The following CIROZ variants were observed in gnomAD, a reference collection of about 807,000 sequenced individuals.
CIROZ encodes the protein ciliated left-right organizer protein containing ZP-N domains.
At chr1:10,976,719 A>G in the CIROZ span, among the ~76,000 whole-genome samples, 782 of 151,196 alleles carry the variant, frequency 5.2e-3, 4 homozygotes, top group African/African-American at 0.017. Flanking sequence ...AAAAAAACCC[A>G]TAAGTAAAGA....
At chr1:10,947,899 C>T in the CIROZ span, 1 of 1,613,620 alleles carries the variant, frequency 6.2e-7, no homozygotes, top group Non-Finnish European at 8.5e-7. Flanking sequence ...ACCCCCCACT[C>T]CTCCTGGCCC....
the CIROZ span, among the ~76,000 whole-genome samples, chr1:10,953,858 G>A: frequency 6.6e-6 from 1 of 152,180 alleles, no homozygotes; most frequent in Non-Finnish European, 1.5e-5. Context: ...GCCAGTTCCA[G>A]CCAGTATGTC....
At chr1:10,976,336 TC>T in the CIROZ span, 3 of 931,180 alleles carry the variant, frequency 3.2e-6, no homozygotes, top group South Asian at 1.5e-5. Flanking sequence ...TCATTATATT[TC>T]TTTTTTTTTT....
At chr1:10,947,282 AG>A in the CIROZ span, among the ~76,000 whole-genome samples, 1 of 152,204 alleles carries the variant, frequency 6.6e-6, no homozygotes, top group Non-Finnish European at 1.5e-5. Context: ...CAGCAGACCA[AG>A]CCCAGAAACA....
chr1:10,964,616 G>A, the CIROZ span, among the ~76,000 whole-genome samples: 2 of 152,302 alleles, frequency 1.3e-5, no homozygotes, highest in South Asian at 4.1e-4. Flanking sequence ...ATGCTCACCA[G>A]TGTCTCATAA....
chr1:10,947,850 C>T, the CIROZ span: 1 of 1,606,190 alleles, frequency 6.2e-7, no homozygotes, highest in Non-Finnish European at 8.5e-7. Context: ...AGCCCACAGG[C>T]TCAGGGTTTG....
chr1:10,951,551 TA>T, the CIROZ span, among the ~76,000 whole-genome samples: 10,098 of 125,430 alleles, frequency 0.081, 1,046 homozygotes, highest in African/African-American at 0.26. Flanking sequence ...TGTCTCGGGG[TA>T]AAAAAAAAAA....
chr1:10,948,489 G>A, the CIROZ span: 3 of 1,614,118 alleles, frequency 1.9e-6, no homozygotes, highest in South Asian at 3.3e-5. Context: ...GTCCTGTTCA[G>A]GCCTCACAGT....
the CIROZ span, chr1:10,949,223 CAAA>C: frequency 3.6e-3 from 527 of 146,626 alleles, no homozygotes; most frequent in South Asian, 1.0e-2. Context: ...GACCCCATCT[CAAA>C]AAAAAAAAAA....
the CIROZ span, chr1:10,948,011 TG>T: frequency 1.9e-6 from 3 of 1,613,424 alleles, no homozygotes; most frequent in Non-Finnish European, 2.5e-6. Flanking sequence ...CAGGTTCTGG[TG>T]GCAGAGGTTC....
the CIROZ span, chr1:10,948,915 G>T: frequency 7.9e-6 from 11 of 1,395,188 alleles, no homozygotes; most frequent in Non-Finnish European, 1.0e-5. Flanking sequence ...GCTGCCCTGA[G>T]AATCTCAACC....
the CIROZ span, among the ~76,000 whole-genome samples, chr1:10,953,710 G>A: frequency 6.6e-6 from 1 of 152,114 alleles, no homozygotes; most frequent in African/African-American, 2.4e-5. Context: ...GGCTCAACAT[G>A]GTTAAGTAAC....
chr1:10,963,803 A>G, the CIROZ span, among the ~76,000 whole-genome samples: 1 of 152,092 alleles, frequency 6.6e-6, no homozygotes, highest in South Asian at 2.1e-4. Context: ...AAAGGACACA[A>G]AGATGCAATT....
the CIROZ span, among the ~76,000 whole-genome samples, chr1:10,956,217 G>A: frequency 6.6e-6 from 1 of 152,200 alleles, no homozygotes; most frequent in Admixed American, 6.5e-5. Flanking sequence ...CCTGGAGGTA[G>A]GAAGTGGTCT....
chr1:10,964,293 T>C, the CIROZ span: 13 of 1,590,634 alleles, frequency 8.2e-6, no homozygotes, highest in African/African-American at 2.7e-5. Flanking sequence ...GCAAAATTCA[T>C]GTATGCAAAT....
At chr1:10,975,421 A>C in the CIROZ span, among the ~76,000 whole-genome samples, 13 of 133,990 alleles carry the variant, frequency 9.7e-5, no homozygotes, top group African/African-American at 2.0e-4. Flanking sequence ...AAAAAAAAAA[A>C]AAAAAAAAAA....
At chr1:10,969,953 C>A in the CIROZ span, 25 of 1,520,940 alleles carry the variant, frequency 1.6e-5, no homozygotes, top group Non-Finnish European at 1.9e-5. Flanking sequence ...CCCGCCCAGC[C>A]ACCGACCACC....
chr1:10,951,729 TTA>T, the CIROZ span, among the ~76,000 whole-genome samples: 10 of 110,174 alleles, frequency 9.1e-5, no homozygotes, highest in African/African-American at 4.7e-4. Context: ...TGTCTCTTAT[TTA>T]AAAAAAAAAA....
the CIROZ span, among the ~76,000 whole-genome samples, chr1:10,975,887 G>C: frequency 8.5e-6 from 1 of 117,936 alleles, no homozygotes; most frequent in African/African-American, 6.5e-5. Context: ...CACGCTCCCT[G>C]TGCTGGTTTT....
Sources: allele counts gnomAD v4.1 joint callset (sites outside exome capture counted in the v4.1 genomes callset), GRCh38; gene constraint gnomAD v4.1.1; transcripts MANE v1.5; gene names NCBI Gene and HGNC (gene_info 2026-07-23, HGNC 2026-07-21).